The following CD80 variants were observed in gnomAD, a reference collection of about 807,000 sequenced individuals.
The protein encoded by CD80 is CD80 molecule.
In CD80, 13 loss-of-function variants were observed where a neutral mutation model predicts 27.1. That is an observed-to-expected ratio of 0.48 (90% CI 0.31 to 0.76). The LOEUF (loss-of-function observed/expected upper bound fraction) is 0.76, where lower values mean the gene tolerates loss of function less well. CD80 is among the 30% of genes least tolerant of loss of function. CD80 has a pLI of 0.04. For synonymous variants in CD80, 125 were observed against 125.5 expected (o/e 1.00, Z 0.03); for missense variants, 277 against 347.9 (o/e 0.80, Z 1.62).
At chr3:119,557,603 C>T in intron 2 of CD80, 26 bp downstream of exon 2, 1 of 1,540,976 alleles carries the variant, frequency 6.5e-7, no homozygotes, top group South Asian at 1.1e-5. Context: ...GCAGTTGACT[C>T]AGTTAAGTTC....
chr3:119,553,458 C>T (rs1306785459), intron 2 of CD80, among the ~76,000 whole-genome samples: 1 of 152,110 alleles, frequency 6.6e-6, no homozygotes, highest in African/African-American at 2.4e-5. Flanking sequence ...TACTTTAAAA[C>T]GTTGAATTTT....
intron 2 of CD80, among the ~76,000 whole-genome samples, chr3:119,552,180 G>T (rs1199765775): frequency 6.6e-6 from 1 of 152,164 alleles, no homozygotes; most frequent in African/African-American, 2.4e-5. Flanking sequence ...TAGAGACCAA[G>T]AATTTTAGAC....
intron 2 of CD80, among the ~76,000 whole-genome samples, chr3:119,551,226 C>T (rs2082229240): frequency 6.6e-6 from 1 of 152,168 alleles, no homozygotes; most frequent in Non-Finnish European, 1.5e-5. Context: ...GAATCATAAC[C>T]TTGAGCAAGC....
chr3:119,547,345 A>AG lies in CD80; in HGVS notation c.101-2479dup, dbSNP rs143309548. 3.3e-5 allele frequency among the ~76,000 whole-genome samples: 5 copies of AG among 152,330 alleles called. No homozygotes were observed. The East Asian group carries it at 9.6e-4, about 29-fold the overall frequency. ...TATGAATCCCATTCTCCTTTCTCCA[A>AG]GGGGGTGGGGAATTTACCAACCTCT... On this transcript the variant is annotated intron_variant, in intron 2 of 6. Transcript: ENST00000264246.
rs1577105058 is a variant in CD80, at chr3:119,524,507, A to C, written c.*1281T>G. On this transcript the variant is annotated 3_prime_UTR_variant, in exon 7 of 7. Coordinates refer to ENST00000264246, the MANE Select transcript of CD80 (RefSeq NM_005191.4). ...TAGACCTCTCTGCCCTACACTGAGAATATAGTTTTACACAGGAGCAAGGTT... is the reference window on the plus strand; with the variant it reads ...TAGACCTCTCTGCCCTACACTGAGACTATAGTTTTACACAGGAGCAAGGTT... 1 of 152,232 alleles carries C rather than the reference A, an allele frequency of 6.6e-6. No homozygotes were observed. Among genetic ancestry groups the C allele is most frequent in the East Asian group, 1.9e-4 (1 of 5,202 alleles). 9.4% of individuals were successfully genotyped at this position (152,232 alleles called of 1,614,324 possible).
chr3:119,544,997 A>G (rs1052842538), intron 2 of CD80, 130 bp from the exon 3 acceptor site: 3 of 699,932 alleles, frequency 4.3e-6, no homozygotes, highest in Non-Finnish European at 7.1e-6. Flanking sequence ...ATCCAGTTTG[A>G]TTTTTGGGGT....
chr3:119,556,547 G>A (rs1234241965), intron 2 of CD80, among the ~76,000 whole-genome samples: 1 of 152,194 alleles, frequency 6.6e-6, no homozygotes, highest in Non-Finnish European at 1.5e-5. Context: ...ATTGTGAAAT[G>A]TAGGCCATGT....
At chr3:119,544,062 AT>A (rs2082186065) in intron 3 of CD80, among the ~76,000 whole-genome samples, 1 of 151,626 alleles carries the variant, frequency 6.6e-6, no homozygotes, top group Admixed American at 6.6e-5. Context: ...TAGTTTTTGT[AT>A]TTTTAGTAGG....
intron 1 of CD80, among the ~76,000 whole-genome samples, 161 bp from the exon 2 acceptor site, chr3:119,558,089 G>C (rs2082273877): frequency 6.6e-6 from 1 of 152,148 alleles, no homozygotes; most frequent in Non-Finnish European, 1.5e-5. Flanking sequence ...ATTCTGTGAG[G>C]GGACCAGTTC....
chr3:119,529,205 C>T (rs1273893423), intron 5 of CD80, among the ~76,000 whole-genome samples: 1 of 152,106 alleles, frequency 6.6e-6, no homozygotes, highest in Non-Finnish European at 1.5e-5. Flanking sequence ...CTGCCTTGGC[C>T]TCCCAAAGTG....
chr3:119,549,911 C>T (rs536815061), intron 2 of CD80, among the ~76,000 whole-genome samples: 46 of 152,272 alleles, frequency 3.0e-4, no homozygotes, highest in African/African-American at 8.9e-4. Flanking sequence ...CAAAATGAGA[C>T]GTAGAAGGAA....
intron 1 of CD80, among the ~76,000 whole-genome samples, chr3:119,558,233 T>G (rs2082274391): frequency 6.6e-6 from 1 of 152,202 alleles, no homozygotes; most frequent in Admixed American, 6.5e-5. Flanking sequence ...AATCCTCTTC[T>G]GAACATACCA....
At chr3:119,528,699 G>A (rs546706967) in intron 5 of CD80, among the ~76,000 whole-genome samples, 22 of 152,088 alleles carry the variant, frequency 1.4e-4, no homozygotes, top group Admixed American at 3.3e-4. Flanking sequence ...CAAGGCAGGC[G>A]GATCACGAGG....
In CD80 at chr3:119,537,132, C is replaced by T. The variant is rs1179668487; in HGVS notation, c.700+5G>A. ...GTAGAAACTCCCCAGAACAATGTCACTTACTTGTATTCCAGTTGAAGGTCT... is the reference window on the plus strand; with the variant it reads ...GTAGAAACTCCCCAGAACAATGTCATTTACTTGTATTCCAGTTGAAGGTCT... On this transcript the variant is annotated splice_donor_5th_base_variant and intron_variant, in intron 4 of 6. Transcript: ENST00000264246. The T allele has an allele frequency of 1.9e-6, 3 of 1,609,614 alleles. No homozygotes were observed. The highest frequency in any genetic ancestry group is 2.6e-6 in the Non-Finnish European group (3 of 1,176,072).
rs889396241 is a variant in CD80 at position 119,541,016 on chromosome 3, C to G, written c.418+3534G>C. 3.3e-5 allele frequency among the ~76,000 whole-genome samples: 5 copies of G among 151,764 alleles called. No homozygotes were observed. The East Asian group carries it at 9.6e-4, about 29-fold the overall frequency. On this transcript the variant is annotated intron_variant, in intron 3 of 6. Coordinates refer to ENST00000264246, the MANE Select transcript of CD80 (RefSeq NM_005191.4). ...AGACCCGAGATCACGCCACTGCACT[C>G]TAGCCTGGGTGACAGAGTAAGAGAC...
At chr3:119,554,545 G>C (rs545049083) in intron 2 of CD80, among the ~76,000 whole-genome samples, 18 of 152,300 alleles carry the variant, frequency 1.2e-4, no homozygotes, top group Admixed American at 3.3e-4. Flanking sequence ...CAGGCCTAGA[G>C]GGGGAGAGGA....
intron 6 of CD80, chr3:119,527,443 C>A: frequency 3.3e-6 from 1 of 305,628 alleles, no homozygotes; most frequent in East Asian, 6.1e-5. Flanking sequence ...AAGAAGTTAC[C>A]ACAGGAATAT....
At chr3:119,539,449 A>G (rs930799370) in intron 3 of CD80, among the ~76,000 whole-genome samples, 18 of 152,078 alleles carry the variant, frequency 1.2e-4, no homozygotes, top group Non-Finnish European at 4.4e-5. Flanking sequence ...TCTTTTACTC[A>G]GAAAAACCTA....
At chr3:119,535,290 G>A (rs183145484) in intron 4 of CD80, among the ~76,000 whole-genome samples, 5 of 151,838 alleles carry the variant, frequency 3.3e-5, no homozygotes, top group Non-Finnish European at 7.4e-5. Context: ...TATCCACTTC[G>A]CAACTACAAG....
Sources: gnomAD v4.1 joint callset for allele counts (sites outside exome capture counted in the v4.1 genomes callset) on GRCh38, gnomAD v4.1.1 for gene constraint, MANE v1.5 for transcripts, NCBI Gene and HGNC (gene_info 2026-07-23, HGNC 2026-07-21) for gene names.